ATRNL1: variants seen among roughly 807,000 people sequenced by gnomAD.
ATRNL1 encodes the protein attractin like 1.
ATRNL1 carries 95 observed loss-of-function variants against 182.7 expected under a neutral mutation model. That is an observed-to-expected ratio of 0.52 (90% CI 0.44 to 0.62). The LOEUF (loss-of-function observed/expected upper bound fraction) is 0.62, where lower values mean the gene tolerates loss of function less well. Among genes scored for constraint, ATRNL1 ranks in the 20% least tolerant of loss-of-function variants. The pLI, the probability that ATRNL1 is intolerant of heterozygous loss-of-function variation, is 0.00. For synonymous variants in ATRNL1, 576 were observed against 568.3 expected, an observed-to-expected ratio of 1.01 and a Z score of -0.19; for missense variants, 1,471 against 1,679.5, an observed-to-expected ratio of 0.88 and a Z score of 2.17.
chr10:115,299,386 A>G (rs1044015475), intron 15 of ATRNL1, among the ~76,000 whole-genome samples: 1 of 151,872 alleles, frequency 6.6e-6, no homozygotes, highest in Admixed American at 6.6e-5. Flanking sequence ...TAGTTAAATT[A>G]TAGGCACGAG....
At chr10:115,638,893 A>G (rs147644310) in intron 26 of ATRNL1, among the ~76,000 whole-genome samples, 1 of 152,308 alleles carries the variant, frequency 6.6e-6, no homozygotes, top group East Asian at 1.9e-4. Context: ...TGAACATAGC[A>G]TCAGTTCTTA....
chr10:115,410,365 A>G lies in ATRNL1; in HGVS notation c.3269+15613A>G, dbSNP rs1845074417. 3.3e-5 allele frequency among the ~76,000 whole-genome samples: 5 copies of G among 150,956 alleles called. No homozygotes were observed. In the South Asian group the frequency reaches 1.0e-3, roughly 32 times the overall value. ...TTTAACAGAGTCTTGCTCTGTCACT[A>G]GACTGGAGTGCAGTGGCACAATCTT... On this transcript the variant is annotated intron_variant, in intron 20 of 28. Coordinates refer to ENST00000355044, the MANE Select transcript of ATRNL1 (RefSeq NM_207303.4).
chr10:115,853,762 C>G (rs1419263535), intron 28 of ATRNL1, among the ~76,000 whole-genome samples: 3 of 151,816 alleles, frequency 2.0e-5, no homozygotes, highest in Non-Finnish European at 4.4e-5. Context: ...TGTGTCTTCA[C>G]AAAGAAGAAA....
intron 26 of ATRNL1, among the ~76,000 whole-genome samples, chr10:115,621,276 T>TATAGAGAGAGAGAGAGAG (rs1268020830): frequency 2.1e-4 from 10 of 47,576 alleles, no homozygotes; most frequent in African/African-American, 2.9e-4. Context: ...TATATATATA[T>TATAGAGAGAGAGAGAGAG]AGAGAGAGAG....
intron 28 of ATRNL1, among the ~76,000 whole-genome samples, chr10:115,909,097 T>C (rs1175507977): frequency 2.0e-5 from 3 of 152,174 alleles, no homozygotes; most frequent in African/African-American, 7.2e-5. Context: ...TTCAAGACTT[T>C]GTGTGAAATA....
intron 26 of ATRNL1, among the ~76,000 whole-genome samples, chr10:115,642,440 C>CTTTTTTTTTT (rs71303504): frequency 6.7e-6 from 1 of 148,818 alleles, no homozygotes. Context: ...AATTCTAGTG[C>CTTTTTTTTTT]TTTTTTTTTT....
At chr10:115,856,314 G>C (rs1951179787) in intron 28 of ATRNL1, among the ~76,000 whole-genome samples, 1 of 151,622 alleles carries the variant, frequency 6.6e-6, no homozygotes, top group Non-Finnish European at 1.5e-5. Context: ...CGTAATCCCA[G>C]CTACTGGGGA....
intron 26 of ATRNL1, among the ~76,000 whole-genome samples, chr10:115,628,988 A>T (rs576751286): frequency 6.1e-4 from 93 of 152,166 alleles, no homozygotes; most frequent in African/African-American, 2.2e-3. Context: ...TCTCATTTTT[A>T]TTCCATTACT....
At chr10:115,683,450 T>A (rs994998740) in intron 26 of ATRNL1, among the ~76,000 whole-genome samples, 1 of 151,848 alleles carries the variant, frequency 6.6e-6, no homozygotes, top group Non-Finnish European at 1.5e-5. Context: ...ACCTAGAGAG[T>A]TTTTCTGAAG....
At chr10:115,428,189 T>C (rs565470322) in intron 21 of ATRNL1, among the ~76,000 whole-genome samples, 2 of 152,226 alleles carry the variant, frequency 1.3e-5, no homozygotes, top group African/African-American at 4.8e-5. Context: ...TAGCTTAAAA[T>C]ATTTCATTCC....
At chr10:115,213,788 T>C (rs1849120531) in intron 8 of ATRNL1, among the ~76,000 whole-genome samples, 1 of 152,134 alleles carries the variant, frequency 6.6e-6, no homozygotes, top group African/African-American at 2.4e-5. Flanking sequence ...GATAATGAGA[T>C]AGTTACTGAG....
chr10:115,826,642 G>A (rs782508718), intron 27 of ATRNL1, among the ~76,000 whole-genome samples: 2 of 152,120 alleles, frequency 1.3e-5, no homozygotes, highest in African/African-American at 4.8e-5. Context: ...ACCGGAGAGC[G>A]AGTAAGGCAG....
intron 15 of ATRNL1, among the ~76,000 whole-genome samples, chr10:115,290,835 A>G (rs1852866714): frequency 6.6e-6 from 1 of 152,218 alleles, no homozygotes; most frequent in African/African-American, 2.4e-5. Flanking sequence ...CAAAAGATTG[A>G]TCTGACCAGG....
At chr10:115,826,438 G>C (rs1555091993) in intron 27 of ATRNL1, among the ~76,000 whole-genome samples, 1 of 152,094 alleles carries the variant, frequency 6.6e-6, no homozygotes, top group East Asian at 1.9e-4. Flanking sequence ...GCTGCCTGCA[G>C]CTCGGTGAGC....
At chr10:115,597,650 G>A (rs781809350) in intron 26 of ATRNL1, 12 of 435,136 alleles carry the variant, frequency 2.8e-5, no homozygotes, top group South Asian at 1.7e-4. Flanking sequence ...TCAGCTCACT[G>A]CAACCTCCGC....
rs35903471 is a variant in ATRNL1, at chr10:115,740,494, C to CCTATCTATCTAT, written c.3903+13148_3903+13159dup. Among the ~76,000 whole-genome samples the CCTATCTATCTAT allele has an allele frequency of 7.1e-3, 1,068 of 150,742 alleles. 12 individuals are homozygous for CCTATCTATCTAT. The highest frequency in any genetic ancestry group is 0.024 in the African/African-American group (978 of 40,974). On this transcript the variant is annotated intron_variant, in intron 27 of 28. Coordinates refer to ENST00000355044, the MANE Select transcript of ATRNL1 (RefSeq NM_207303.4). ...AGGCCAGGCTGAGCAATATCAAGAT[C>CCTATCTATCTAT]CTATCTATCTATCTATCTATTTTGT... is the stretch of plus-strand genomic sequence containing the variant.
intron 24 of ATRNL1, among the ~76,000 whole-genome samples, chr10:115,471,615 A>G (rs1479842826): frequency 2.0e-5 from 3 of 151,188 alleles, no homozygotes; most frequent in Admixed American, 6.6e-5. Context: ...GCACCATTTC[A>G]TATACCTATT....
intron 24 of ATRNL1, among the ~76,000 whole-genome samples, chr10:115,470,680 T>C (rs1158788818): frequency 1.3e-5 from 2 of 150,748 alleles, no homozygotes; most frequent in African/African-American, 4.8e-5. Flanking sequence ...ATTAACTTTC[T>C]AAATTGGGTT....
chr10:115,809,141 A>G (rs1288828639), intron 27 of ATRNL1, among the ~76,000 whole-genome samples: 1 of 152,088 alleles, frequency 6.6e-6, no homozygotes, highest in African/African-American at 2.4e-5. Flanking sequence ...TCAATCAACT[A>G]TATATGTATG....
Sources: allele counts gnomAD v4.1 joint callset (sites outside exome capture counted in the v4.1 genomes callset), GRCh38; gene constraint gnomAD v4.1.1; transcripts MANE v1.5; gene names NCBI Gene and HGNC (gene_info 2026-07-23, HGNC 2026-07-21).